The following CADM2 variants were observed in gnomAD, a reference collection of about 807,000 sequenced individuals.
CADM2 encodes immunoglobulin superfamily member 4D.
CADM2 carries 12 observed loss-of-function variants against 49.8 expected under a neutral mutation model. That is an observed-to-expected ratio of 0.24 (90% CI 0.15 to 0.39). CADM2 has a LOEUF of 0.39. Ranked by LOEUF, CADM2 falls within the 10% of genes least tolerant of loss-of-function variation. The pLI is 1.00. For synonymous variants in CADM2, 214 were observed against 175.4 expected (o/e 1.22, Z -1.74); for missense variants, 378 against 492.3 (o/e 0.77, Z 2.20).
chr3:85,494,267 T>C (rs956264532), intron 1 of CADM2, among the ~76,000 whole-genome samples: 2 of 152,168 alleles, frequency 1.3e-5, no homozygotes, highest in African/African-American at 4.8e-5. Flanking sequence ...GAAAAGAATC[T>C]ATAAAGTTTC....
intron 2 of CADM2, among the ~76,000 whole-genome samples, chr3:85,731,365 C>T (rs560362532): frequency 6.6e-6 from 1 of 152,116 alleles, no homozygotes; most frequent in East Asian, 1.9e-4. Context: ...TTTTGCAACT[C>T]GCTAGATTTG....
chr3:85,046,700 C>A (rs957656873), intron 1 of CADM2, among the ~76,000 whole-genome samples: 1 of 151,840 alleles, frequency 6.6e-6, no homozygotes, highest in African/African-American at 2.4e-5. Context: ...ATATAAAACT[C>A]TTTTGCAATT....
chr3:85,015,640 G>C (rs2200469), intron 1 of CADM2, among the ~76,000 whole-genome samples: 3,186 of 152,248 alleles, frequency 0.021, 123 homozygotes, highest in African/African-American at 0.072. Flanking sequence ...AAGTATATCG[G>C]ACATTCTGTT....
chr3:85,366,504 G>T (rs192010846), intron 1 of CADM2, among the ~76,000 whole-genome samples: 5 of 152,098 alleles, frequency 3.3e-5, no homozygotes, highest in African/African-American at 1.2e-4. Context: ...CTTGTTATTT[G>T]TGGTAATTTT....
At chr3:85,927,770 G>A (rs934029766) in intron 6 of CADM2, among the ~76,000 whole-genome samples, 9 of 152,072 alleles carry the variant, frequency 5.9e-5, no homozygotes, top group African/African-American at 1.9e-4. Context: ...CAGGTTAAGT[G>A]TTGATTTTAT....
chr3:85,984,478 A>C (rs535748260), intron 8 of CADM2, among the ~76,000 whole-genome samples: 1 of 151,770 alleles, frequency 6.6e-6, no homozygotes, highest in Non-Finnish European at 1.5e-5. Context: ...AAACATAGTT[A>C]TATATTTAAG....
At chr3:85,789,791 C>A (rs536821221) in intron 2 of CADM2, among the ~76,000 whole-genome samples, 5 of 151,984 alleles carry the variant, frequency 3.3e-5, no homozygotes, top group Non-Finnish European at 7.4e-5. Flanking sequence ...GCCATATATT[C>A]GTATTTATTC....
chr3:85,732,146 A>G (rs895052396), intron 2 of CADM2, among the ~76,000 whole-genome samples: 1 of 150,766 alleles, frequency 6.6e-6, no homozygotes, highest in Non-Finnish European at 1.5e-5. Flanking sequence ...CTGTAATCCC[A>G]GCTACTTCAG....
intron 8 of CADM2, chr3:85,979,114 C>G (rs374696805): frequency 6.3e-7 from 1 of 1,586,162 alleles, no homozygotes; most frequent in Non-Finnish European, 8.6e-7. Context: ...TTGTGTTTCT[C>G]TTTTGTTTGC....
At chr3:85,440,001 T>G (rs575379707) in intron 1 of CADM2, among the ~76,000 whole-genome samples, 7 of 152,218 alleles carry the variant, frequency 4.6e-5, no homozygotes, top group Non-Finnish European at 7.3e-5. Flanking sequence ...CAATATTCCA[T>G]TAGGAGAATT....
At chr3:85,682,374 C>T (rs1328548636) in intron 1 of CADM2, among the ~76,000 whole-genome samples, 1 of 152,038 alleles carries the variant, frequency 6.6e-6, no homozygotes, top group Admixed American at 6.6e-5. Flanking sequence ...CAGTAATCTA[C>T]TAGGTAATTG....
rs1322092791 is a variant in CADM2 at position 85,216,599 on chromosome 3, T to A, written c.61+256931T>A. On this transcript the variant is annotated intron_variant, in intron 1 of 9. Coordinates refer to ENST00000383699, the MANE Select transcript of CADM2 (RefSeq NM_001167675.2). ...CAGACTGACAGAAAACTATTAAATA[T>A]CATCTCATTGTCACCATTGTTTGGT... 2.6e-5 allele frequency among the ~76,000 whole-genome samples: 4 copies of A among 152,092 alleles called. No individual in the cohort carries two copies. The South Asian group carries it at 6.2e-4, about 24-fold the overall frequency.
At chr3:85,864,702 A>T (rs1400855351) in intron 3 of CADM2, among the ~76,000 whole-genome samples, 2 of 152,146 alleles carry the variant, frequency 1.3e-5, no homozygotes, top group Non-Finnish European at 2.9e-5. Flanking sequence ...TGACCTTTTT[A>T]AATTTGTTTT....
At chr3:85,291,000 A>G (rs1448281281) in intron 1 of CADM2, among the ~76,000 whole-genome samples, 1 of 152,218 alleles carries the variant, frequency 6.6e-6, no homozygotes, top group Non-Finnish European at 1.5e-5. Context: ...GAGCTATGGG[A>G]GGACATTCAA....
At chr3:85,939,344 G>A (rs1721553920) in intron 7 of CADM2, among the ~76,000 whole-genome samples, 1 of 151,926 alleles carries the variant, frequency 6.6e-6, no homozygotes. Flanking sequence ...TTAAAGTGAG[G>A]ACCGAGCTAA....
At chr3:85,562,737 A>G (rs2062135113) in intron 1 of CADM2, among the ~76,000 whole-genome samples, 1 of 152,112 alleles carries the variant, frequency 6.6e-6, no homozygotes, top group Non-Finnish European at 1.5e-5. Context: ...CAGCAACAAC[A>G]TGTGTTGCTA....
rs1488122685 is a variant in CADM2 at position 85,398,528 on chromosome 3, G to T, written c.62-327994G>T. On this transcript the variant is annotated intron_variant, in intron 1 of 9. Transcript: ENST00000383699. ...TCCTTTGGGTATATACCCAGTAATG[G>T]AATGGCTGAGTCAAATGGTATTTCT... is the stretch of plus-strand genomic sequence containing the variant. Among the ~76,000 whole-genome samples, 3 of 152,120 alleles carry T rather than the reference G, an allele frequency of 2.0e-5. 1 individual carries two copies. In the East Asian group the frequency reaches 5.8e-4, roughly 29 times the overall value.
intron 2 of CADM2, among the ~76,000 whole-genome samples, chr3:85,790,670 G>A (rs1223477181): frequency 6.6e-6 from 1 of 152,142 alleles, no homozygotes; most frequent in Non-Finnish European, 1.5e-5. Context: ...TGAACGCTAG[G>A]ATTCGGTCTA....
chr3:85,167,576 G>T (rs1211546590), intron 1 of CADM2, among the ~76,000 whole-genome samples: 2 of 152,098 alleles, frequency 1.3e-5, no homozygotes, highest in Non-Finnish European at 2.9e-5. Context: ...ACTAGGAGGT[G>T]TGAAGAACTG....
Sources: gnomAD v4.1 joint callset for allele counts (sites outside exome capture counted in the v4.1 genomes callset) on GRCh38, gnomAD v4.1.1 for gene constraint, MANE v1.5 for transcripts, NCBI Gene and HGNC (gene_info 2026-07-23, HGNC 2026-07-21) for gene names.